Variants in LRFN5 observed in about 807,000 individuals in gnomAD.
The protein encoded by LRFN5 is leucine-rich repeat and fibronectin type-III domain-containing protein 5.
In LRFN5, 24 loss-of-function variants were observed where a neutral mutation model predicts 45.6. The observed-to-expected ratio is 0.53, with a 90% confidence interval of 0.38 to 0.74. LRFN5 has a LOEUF of 0.74. Among genes scored for constraint, LRFN5 ranks in the 30% least tolerant of loss-of-function variants. The pLI is 0.00. For missense variants in LRFN5, 776 were observed against 861.5 expected (o/e 0.90, Z 1.24); for synonymous variants, 340 against 313.8 (o/e 1.08, Z -0.88).
chr14:41,881,224 A>G (rs1162731693), intron 2 of LRFN5, among the ~76,000 whole-genome samples: 1 of 152,122 alleles, frequency 6.6e-6, no homozygotes, highest in Non-Finnish European at 1.5e-5. Flanking sequence ...TCTTGCACAG[A>G]ATATCTGAGA....
At chr14:41,777,999 CT>C (rs913919937) in intron 2 of LRFN5, among the ~76,000 whole-genome samples, 7 of 81,806 alleles carry the variant, frequency 8.6e-5, no homozygotes, top group African/African-American at 9.3e-5. Flanking sequence ...GCATGGGATC[CT>C]TTTTTTTTGG....
At chr14:41,818,875 T>C (rs966303231) in intron 2 of LRFN5, among the ~76,000 whole-genome samples, 1 of 152,094 alleles carries the variant, frequency 6.6e-6, no homozygotes, top group Non-Finnish European at 1.5e-5. Context: ...TAATTTCTCA[T>C]CCCTCATGCC....
chr14:41,620,135 G>A (rs1448606649), intron 1 of LRFN5, among the ~76,000 whole-genome samples: 7 of 151,934 alleles, frequency 4.6e-5, no homozygotes, highest in Admixed American at 4.6e-4. Flanking sequence ...TGAGACACAG[G>A]ACCAAAGGGA....
intron 1 of LRFN5, among the ~76,000 whole-genome samples, chr14:41,657,288 A>AT (rs1217636172): frequency 6.6e-6 from 1 of 151,870 alleles, no homozygotes; most frequent in African/African-American, 2.4e-5. Context: ...TTTTTATTTA[A>AT]TTTTACCCAC....
At chr14:41,875,328 C>T (rs538982205) in intron 2 of LRFN5, among the ~76,000 whole-genome samples, 1 of 152,364 alleles carries the variant, frequency 6.6e-6, no homozygotes, top group East Asian at 1.9e-4. Flanking sequence ...TCCTGCTGTT[C>T]CAGCACTGTA....
chr14:41,851,400 C>T (rs182232203), intron 2 of LRFN5, among the ~76,000 whole-genome samples: 1 of 151,836 alleles, frequency 6.6e-6, no homozygotes, highest in Admixed American at 6.6e-5. Flanking sequence ...CTAATTCTCA[C>T]TTCAAATATA....
intron 1 of LRFN5, among the ~76,000 whole-genome samples, chr14:41,698,125 T>C (rs972995510): frequency 6.6e-6 from 1 of 151,912 alleles, no homozygotes; most frequent in African/African-American, 2.4e-5. Context: ...GCTGGACAAA[T>C]TTAAGAAATG....
chr14:41,742,364 A>G (rs541223411), intron 1 of LRFN5, among the ~76,000 whole-genome samples: 51 of 151,724 alleles, frequency 3.4e-4, no homozygotes, highest in African/African-American at 1.1e-3. Context: ...ATATACAGCC[A>G]TAAAAATAAG....
At chr14:41,781,014 C>A (rs1886462068) in intron 2 of LRFN5, among the ~76,000 whole-genome samples, 1 of 152,106 alleles carries the variant, frequency 6.6e-6, no homozygotes, top group South Asian at 2.1e-4. Flanking sequence ...TACCATATTT[C>A]ACTTTATGCT....
At chr14:41,715,476 T>A (rs185929936) in intron 1 of LRFN5, among the ~76,000 whole-genome samples, 29 of 152,354 alleles carry the variant, frequency 1.9e-4, no homozygotes, top group African/African-American at 6.3e-4. Context: ...CAAAAATACC[T>A]TATGTGGTAT....
chr14:41,798,975 G>T (rs1594719620), intron 2 of LRFN5, among the ~76,000 whole-genome samples: 1 of 151,922 alleles, frequency 6.6e-6, no homozygotes, highest in Non-Finnish European at 1.5e-5. Context: ...TGTGGTGTGT[G>T]TGCTCTTTTT....
rs539288788 is a variant in LRFN5 at position 41,734,429 on chromosome 14, T to G, written c.-196-32425T>G. Among the ~76,000 whole-genome samples, 4 of 147,364 alleles carry G rather than the reference T, an allele frequency of 2.7e-5. No individual in the cohort carries two copies. The East Asian group carries it at 8.2e-4, about 30-fold the overall frequency. On this transcript the variant is annotated intron_variant, in intron 1 of 5. Transcript: ENST00000298119. The stretch of plus-strand genomic sequence containing the variant: ...GACATCATTTTCTTTTGTATAGTTT[T>G]CAACTTAAAGTCTATTTTATCTTAT...
chr14:41,821,577 A>G (rs1888114279), intron 2 of LRFN5, among the ~76,000 whole-genome samples: 1 of 151,922 alleles, frequency 6.6e-6, no homozygotes, highest in South Asian at 2.1e-4. Context: ...CAGGGATACC[A>G]GCCTGTAGTA....
intron 1 of LRFN5, among the ~76,000 whole-genome samples, chr14:41,704,412 CT>C (rs1459831614): frequency 1.0e-5 from 1 of 95,778 alleles, no homozygotes; most frequent in Non-Finnish European, 2.0e-5. Flanking sequence ...ATACTTTTCT[CT>C]CTCTCTCTCT....
chr14:41,845,841 A>G (rs1889043044), intron 2 of LRFN5, among the ~76,000 whole-genome samples: 1 of 152,190 alleles, frequency 6.6e-6, no homozygotes. Context: ...TTTAGTGCCT[A>G]TTATTGCCAG....
rs1364151391 is a variant in LRFN5 at position 41,681,480 on chromosome 14, G to A, written c.-197+72918G>A. Among the ~76,000 whole-genome samples, 3 of 152,096 alleles carry A rather than the reference G, an allele frequency of 2.0e-5. No individual in the cohort carries two copies. In the South Asian group the frequency reaches 6.2e-4, roughly 32 times the overall value. ...AGTGGCATGACATATTTAAAGTGCT[G>A]AAGGAAAACAAAACCAAACGGAACA... On this transcript the variant is annotated intron_variant, in intron 1 of 5. Transcript: ENST00000298119.
At chr14:41,756,865 G>T (rs574019146) in intron 1 of LRFN5, among the ~76,000 whole-genome samples, 1 of 152,250 alleles carries the variant, frequency 6.6e-6, no homozygotes, top group Admixed American at 6.5e-5. Context: ...TTTCTGCTCT[G>T]TTTTTTCCGC....
chr14:41,674,334 C>G (rs1176470435), intron 1 of LRFN5, among the ~76,000 whole-genome samples: 1 of 131,260 alleles, frequency 7.6e-6, no homozygotes, highest in Non-Finnish European at 1.6e-5. Flanking sequence ...GGGGGCCGAC[C>G]CCCCCACCTC....
At chr14:41,858,880 T>G (rs1889565642) in intron 2 of LRFN5, among the ~76,000 whole-genome samples, 1 of 152,180 alleles carries the variant, frequency 6.6e-6, no homozygotes, top group Admixed American at 6.5e-5. Flanking sequence ...CCACTATCCC[T>G]ACTTTGTAGC....
Sources: gnomAD v4.1 joint callset for allele counts (sites outside exome capture counted in the v4.1 genomes callset) on GRCh38, gnomAD v4.1.1 for gene constraint, MANE v1.5 for transcripts, NCBI Gene and HGNC (gene_info 2026-07-23, HGNC 2026-07-21) for gene names.